The following ERC2 variants were observed in gnomAD, a reference collection of about 807,000 sequenced individuals.
ERC2 encodes the protein ERC protein 2.
A neutral mutation model predicts 114.8 loss-of-function variants in ERC2; 42 were observed. The observed-to-expected ratio is 0.37, with a 90% confidence interval of 0.29 to 0.47. The LOEUF (loss-of-function observed/expected upper bound fraction) is 0.47, where lower values mean the gene tolerates loss of function less well. Among genes scored for constraint, ERC2 ranks in the 20% least tolerant of loss-of-function variants. The pLI is 0.99. For missense variants in ERC2, 939 were observed against 1,150.7 expected, an observed-to-expected ratio of 0.82 and a Z score of 2.66; for synonymous variants, 454 against 425.5, an observed-to-expected ratio of 1.07 and a Z score of -0.82.
At chr3:56,258,585 C>T (rs1232760084) in intron 3 of ERC2, among the ~76,000 whole-genome samples, 2 of 152,144 alleles carry the variant, frequency 1.3e-5, no homozygotes, top group African/African-American at 2.4e-5. Context: ...ACCCGGGAGG[C>T]GGAGCTTGTA....
At chr3:56,397,956 T>C (rs1030320211) in intron 2 of ERC2, among the ~76,000 whole-genome samples, 1 of 152,186 alleles carries the variant, frequency 6.6e-6, no homozygotes, top group Admixed American at 6.5e-5. Context: ...CCTTTCCCTT[T>C]AACTGTAATT....
At chr3:55,904,008 C>T (rs981657906) in intron 13 of ERC2, among the ~76,000 whole-genome samples, 3 of 152,190 alleles carry the variant, frequency 2.0e-5, no homozygotes, top group African/African-American at 7.2e-5. Flanking sequence ...TTACATAGCC[C>T]TCGGGGACTT....
At chr3:56,281,764 T>C (rs1160455469) in intron 3 of ERC2, among the ~76,000 whole-genome samples, 1 of 152,218 alleles carries the variant, frequency 6.6e-6, no homozygotes, top group Non-Finnish European at 1.5e-5. Context: ...GAATCAGATA[T>C]TTCCCATACA....
chr3:55,950,352 G>T, intron 13 of ERC2, 73 bp downstream of exon 13: 1 of 1,553,926 alleles, frequency 6.4e-7, no homozygotes. Context: ...ATATTTTCTG[G>T]CACCAATGGT....
intron 3 of ERC2, among the ~76,000 whole-genome samples, chr3:56,292,078 C>T (rs1337831715): frequency 6.6e-6 from 1 of 152,130 alleles, no homozygotes; most frequent in Non-Finnish European, 1.5e-5. Context: ...AAAAGCAAGT[C>T]ACGTAAGTTT....
At chr3:56,002,402 T>C (rs896115582) in intron 10 of ERC2, among the ~76,000 whole-genome samples, 1 of 152,150 alleles carries the variant, frequency 6.6e-6, no homozygotes, top group Non-Finnish European at 1.5e-5. Context: ...CAAAAAAGCT[T>C]TTCTTCTTTA....
intron 17 of ERC2, among the ~76,000 whole-genome samples, chr3:55,559,508 T>C (rs2055857262): frequency 6.6e-6 from 1 of 152,252 alleles, no homozygotes; most frequent in South Asian, 2.1e-4. Flanking sequence ...TCCACCATGC[T>C]ACAAATCAAA....
intron 13 of ERC2, among the ~76,000 whole-genome samples, chr3:55,931,422 A>G (rs1449782703): frequency 6.6e-6 from 1 of 152,256 alleles, no homozygotes; most frequent in African/African-American, 2.4e-5. Flanking sequence ...CTATGCAGCC[A>G]TAAAAAAGAA....
intron 3 of ERC2, among the ~76,000 whole-genome samples, chr3:56,242,498 T>C (rs937600423): frequency 2.6e-5 from 4 of 151,874 alleles, no homozygotes; most frequent in Non-Finnish European, 4.4e-5. Flanking sequence ...ATAAAGTACA[T>C]GACAGCAGCA....
chr3:55,677,550 T>C (rs184176181), intron 17 of ERC2, among the ~76,000 whole-genome samples: 2 of 152,244 alleles, frequency 1.3e-5, no homozygotes, highest in East Asian at 3.9e-4. Context: ...CAGGCATGAC[T>C]TGGCATCTTA....
chr3:55,880,797 A>G (rs1050563244), intron 14 of ERC2, among the ~76,000 whole-genome samples: 5 of 152,070 alleles, frequency 3.3e-5, no homozygotes, highest in Admixed American at 6.6e-5. Context: ...TAGCAAAAAA[A>G]AAAAAGAAAA....
In ERC2 at chr3:55,699,450, G is replaced by A. The variant is rs375196960; in HGVS notation, c.2775C>T (p.His925=). 56 of 1,613,778 alleles carry A rather than the reference G, an allele frequency of 3.5e-5. No individual in the cohort carries two copies. Among genetic ancestry groups the A allele is most frequent in the African/African-American group, 3.1e-4 (23 of 75,008 alleles). The part of the protein sequence containing the change: ...NYDDDHHHYH[H]HHHHHHHRSP... ...ATCGATGGTGGTGGTGATGGTGGTG[G>A]TGGTGGTAATGGTGATGGTCATCAT... The change falls in exon 16 of 18, where the codon CAC becomes CAT. Residue 925 remains histidine (H), a synonymous_variant. Coordinates refer to ENST00000288221, the MANE Select transcript of ERC2 (RefSeq NM_015576.3).
intron 17 of ERC2, among the ~76,000 whole-genome samples, chr3:55,608,522 T>C (rs1320932511): frequency 6.6e-6 from 1 of 152,108 alleles, no homozygotes; most frequent in Non-Finnish European, 1.5e-5. Flanking sequence ...TTTACAAAGG[T>C]TCCTATGATG....
chr3:56,370,591 T>G (rs1325761602), intron 2 of ERC2, among the ~76,000 whole-genome samples: 2 of 143,264 alleles, frequency 1.4e-5, no homozygotes, highest in Non-Finnish European at 3.0e-5. Context: ...GTGGGGGTTT[T>G]TTTGTTTTTT....
intron 2 of ERC2, among the ~76,000 whole-genome samples, chr3:56,378,111 C>A (rs1188523406): frequency 1.3e-5 from 2 of 151,744 alleles, no homozygotes; most frequent in Admixed American, 1.3e-4. Flanking sequence ...GCTATAAAGA[C>A]ACATGCACAC....
chr3:55,790,377 T>A (rs576195996), intron 14 of ERC2, among the ~76,000 whole-genome samples: 1 of 152,250 alleles, frequency 6.6e-6, no homozygotes, highest in East Asian at 1.9e-4. Context: ...AATACAGTAA[T>A]CATAGTTAAG....
At chr3:56,206,222 C>T (rs1275875493) in intron 3 of ERC2, among the ~76,000 whole-genome samples, 1 of 151,030 alleles carries the variant, frequency 6.6e-6, no homozygotes, top group Non-Finnish European at 1.5e-5. Flanking sequence ...CACACACACT[C>T]ACATACACAC....
chr3:55,788,842 G>T (rs986921625), intron 14 of ERC2, among the ~76,000 whole-genome samples: 1 of 152,096 alleles, frequency 6.6e-6, no homozygotes, highest in Non-Finnish European at 1.5e-5. Flanking sequence ...ATCATAAACG[G>T]ATAGCTCCAT....
At chr3:56,298,303 G>C (rs929655823) in intron 2 of ERC2, among the ~76,000 whole-genome samples, 2 of 152,126 alleles carry the variant, frequency 1.3e-5, no homozygotes, top group African/African-American at 4.8e-5. Context: ...TGTTTCCAAG[G>C]TTTATCCATG....
Sources: gnomAD v4.1 joint callset for allele counts (sites outside exome capture counted in the v4.1 genomes callset) on GRCh38, gnomAD v4.1.1 for gene constraint, MANE v1.5 for transcripts, NCBI Gene and HGNC (gene_info 2026-07-23, HGNC 2026-07-21) for gene names.